DAPP1: variants seen among roughly 807,000 people sequenced by gnomAD.
The protein encoded by DAPP1 is dual adapter for phosphotyrosine and 3-phosphotyrosine and 3-phosphoinositide.
Under a neutral mutation model 41.5 loss-of-function variants are expected in DAPP1, and 20 were observed. The ratio of observed to expected loss-of-function variants is 0.48; its 90% CI spans 0.34 to 0.70. DAPP1 has a LOEUF of 0.70. Ranked by LOEUF, DAPP1 falls within the 30% of genes least tolerant of loss-of-function variation. The pLI, the probability that DAPP1 is intolerant of heterozygous loss-of-function variation, is 0.01. For missense variants in DAPP1, 233 were observed against 333.4 expected, an observed-to-expected ratio of 0.70 and a Z score of 2.35; for synonymous variants, 113 against 116.2, an observed-to-expected ratio of 0.97 and a Z score of 0.18.
chr4:99,830,566 A>C (rs1433043389), intron 1 of DAPP1, among the ~76,000 whole-genome samples: 1 of 152,062 alleles, frequency 6.6e-6, no homozygotes, highest in East Asian at 1.9e-4. Flanking sequence ...TTCATCTCTC[A>C]CCATTCCCAA....
rs755599697 is a variant in DAPP1, at chr4:99,868,234, T to C, written c.*49T>C. 6.7e-7 allele frequency: 1 copy of C among 1,489,294 alleles called. No homozygotes were observed. The highest frequency in any genetic ancestry group is 1.1e-5 in the South Asian group (1 of 88,396). 92.3% of individuals were successfully genotyped at this position (1,489,294 alleles called of 1,614,324 possible). On this transcript the variant is annotated 3_prime_UTR_variant, in exon 9 of 9. Transcript: ENST00000512369. Reference sequence around the variant, plus strand: ...TGGCCCAGGAGCAAGGTGGAATGTTTCCCTGACGCTGTGATCTGCAGCAGG... The same window carrying C: ...TGGCCCAGGAGCAAGGTGGAATGTTCCCCTGACGCTGTGATCTGCAGCAGG...
intron 1 of DAPP1, among the ~76,000 whole-genome samples, chr4:99,824,250 TC>T (rs1722866308): frequency 1.3e-5 from 2 of 152,240 alleles, no homozygotes; most frequent in African/African-American, 4.8e-5. Flanking sequence ...CTTTGCCTTC[TC>T]CATCTGAGCA....
chr4:99,821,223 A>G (rs1481502681), intron 1 of DAPP1, among the ~76,000 whole-genome samples: 1 of 152,200 alleles, frequency 6.6e-6, no homozygotes, highest in Non-Finnish European at 1.5e-5. Flanking sequence ...TCAGCACCAT[A>G]CCATTCACAC....
At chr4:99,824,844 G>A (rs972716432) in intron 1 of DAPP1, among the ~76,000 whole-genome samples, 12 of 152,150 alleles carry the variant, frequency 7.9e-5, no homozygotes, top group Non-Finnish European at 1.2e-4. Context: ...CTGAGCCTCA[G>A]TTACTGGAGA....
intron 3 of DAPP1, among the ~76,000 whole-genome samples, chr4:99,845,270 C>G (rs577935242): frequency 6.6e-6 from 1 of 152,188 alleles, no homozygotes; most frequent in Admixed American, 6.5e-5. Context: ...TAGATGCTTT[C>G]CATGCACCTT....
intron 3 of DAPP1, among the ~76,000 whole-genome samples, chr4:99,845,647 T>C (rs550875577): frequency 1.4e-4 from 22 of 152,390 alleles, no homozygotes; most frequent in African/African-American, 5.0e-4. Flanking sequence ...AGTAAACCTA[T>C]TGTTCTAAAG....
intron 3 of DAPP1, among the ~76,000 whole-genome samples, chr4:99,846,395 C>T (rs1216311443): frequency 6.6e-6 from 1 of 152,166 alleles, no homozygotes; most frequent in Admixed American, 6.5e-5. Flanking sequence ...TCTCTCTGAG[C>T]TTCAGTTTCA....
intron 5 of DAPP1, 61 bp from the exon 6 acceptor site, chr4:99,862,949 A>G (rs1055491792): frequency 3.0e-5 from 35 of 1,182,656 alleles, no homozygotes; most frequent in Non-Finnish European, 3.8e-5. Flanking sequence ...TTCAAATATT[A>G]CATTCCTGTA....
chr4:99,826,075 T>A (rs1367941624), intron 1 of DAPP1, among the ~76,000 whole-genome samples: 1 of 152,218 alleles, frequency 6.6e-6, no homozygotes, highest in Non-Finnish European at 1.5e-5. Context: ...GTTCAAGTGG[T>A]AAGAACAGAT....
intron 1 of DAPP1, among the ~76,000 whole-genome samples, chr4:99,834,587 AG>A (rs1229661684): frequency 1.3e-5 from 2 of 152,166 alleles, no homozygotes; most frequent in African/African-American, 2.4e-5. Context: ...TATAGCACAG[AG>A]GTTTCGCCGT....
At chr4:99,818,303 A>C (rs546894989) in intron 1 of DAPP1, among the ~76,000 whole-genome samples, 2 of 152,362 alleles carry the variant, frequency 1.3e-5, no homozygotes, top group Admixed American at 1.3e-4. Flanking sequence ...AGCATCCAGC[A>C]CAGGTGTCAC....
chr4:99,820,722 C>T (rs1425246741), intron 1 of DAPP1, among the ~76,000 whole-genome samples: 1 of 152,140 alleles, frequency 6.6e-6, no homozygotes, highest in Non-Finnish European at 1.5e-5. Context: ...GCTTTGCAGG[C>T]CTTACAGTCT....
At chr4:99,871,298 T>C (rs766530768), downstream of DAPP1, among the ~76,000 whole-genome samples, 3 of 152,214 alleles carry the variant, frequency 2.0e-5, no homozygotes, top group Non-Finnish European at 4.4e-5. Context: ...CCAAGTATAC[T>C]ACACAGCAGA....
intron 1 of DAPP1, among the ~76,000 whole-genome samples, chr4:99,824,485 A>G (rs75524518): frequency 0.011 from 1,748 of 152,320 alleles, 40 homozygotes; most frequent in African/African-American, 0.039. Context: ...CGCCTAAACC[A>G]TGGAATAGAG....
chr4:99,863,743 A>G, intron 6 of DAPP1, 27 bp from the exon 7 acceptor site: 3 of 1,262,598 alleles, frequency 2.4e-6, no homozygotes, highest in Non-Finnish European at 2.2e-6. Flanking sequence ...TTTAATGGTG[A>G]CATACGTTGC....
chr4:99,846,515 T>C (rs1258409460), intron 3 of DAPP1, among the ~76,000 whole-genome samples: 3 of 152,252 alleles, frequency 2.0e-5, no homozygotes, highest in Admixed American at 6.5e-5. Flanking sequence ...TAGCATAGTA[T>C]AAGTATTCAA....
intron 2 of DAPP1, among the ~76,000 whole-genome samples, chr4:99,839,207 G>A (rs1430563930): frequency 1.3e-5 from 2 of 151,518 alleles, no homozygotes; most frequent in Admixed American, 6.6e-5. Context: ...GGGTGGAGGT[G>A]GAGGTGGCAG....
At chr4:99,867,316 C>T (rs1171186523) in intron 8 of DAPP1, among the ~76,000 whole-genome samples, 5 of 152,062 alleles carry the variant, frequency 3.3e-5, no homozygotes, top group Non-Finnish European at 7.4e-5. Flanking sequence ...CAAAGTAACA[C>T]AAAATCATTA....
intron 4 of DAPP1, among the ~76,000 whole-genome samples, chr4:99,858,473 GGT>G (rs1438962024): frequency 6.6e-6 from 1 of 152,112 alleles, no homozygotes; most frequent in African/African-American, 2.4e-5. Flanking sequence ...GTCTCATAAT[GGT>G]GTGTTTGATT....
Sources: allele counts gnomAD v4.1 joint callset (sites outside exome capture counted in the v4.1 genomes callset), GRCh38; gene constraint gnomAD v4.1.1; transcripts MANE v1.5; gene names NCBI Gene and HGNC (gene_info 2026-07-23, HGNC 2026-07-21).